ELMO1: variants seen among roughly 807,000 people sequenced by gnomAD.
ELMO1 encodes engulfment and cell motility 1.
In ELMO1, 26 loss-of-function variants were observed where a neutral mutation model predicts 98.9. The observed-to-expected ratio is 0.26, with a 90% CI of 0.19 to 0.36. The LOEUF is 0.36. Ranked by LOEUF, ELMO1 falls within the 10% of genes least tolerant of loss-of-function variation. The pLI, the probability that ELMO1 is intolerant of heterozygous loss-of-function variation, is 1.00. For missense variants in ELMO1, 627 were observed against 935.2 expected (o/e 0.67, Z 4.30); for synonymous variants, 346 against 346.0 (o/e 1.00, Z 0.00).
chr7:37,233,209 G>C lies in ELMO1; in HGVS notation c.450-15C>G, dbSNP rs1462819563. On this transcript the variant is annotated splice_polypyrimidine_tract_variant and intron_variant, in intron 7 of 21. Coordinates refer to ENST00000310758, the MANE Select transcript of ELMO1 (RefSeq NM_014800.11). ...TGTCTCCAAAGCTGAAAAAGACAGA[G>C]AGGCACAAGAGTCAAGAGCCCCAAA... 3 of 1,605,724 alleles carry C rather than the reference G, an allele frequency of 1.9e-6. No individual in the cohort carries two copies. Among genetic ancestry groups the C allele is most frequent in the African/African-American group, 2.7e-5 (2 of 74,346 alleles).
At chr7:36,993,678 C>T (rs972474986) in intron 16 of ELMO1, among the ~76,000 whole-genome samples, 2 of 152,064 alleles carry the variant, frequency 1.3e-5, no homozygotes, top group African/African-American at 4.8e-5. Context: ...CCAGTACTTG[C>T]CTGCAACTTG....
intron 1 of ELMO1, among the ~76,000 whole-genome samples, chr7:37,402,349 G>A (rs948565368): frequency 1.8e-4 from 28 of 152,122 alleles, no homozygotes; most frequent in Non-Finnish European, 3.7e-4. Flanking sequence ...CTAGAGTGAC[G>A]ACAGAACCCA....
chr7:36,989,564 G>A (rs1247257182), intron 16 of ELMO1, among the ~76,000 whole-genome samples: 2 of 152,186 alleles, frequency 1.3e-5, no homozygotes, highest in East Asian at 3.8e-4. Context: ...ATGGAAAAAG[G>A]CAGTTTTTGG....
chr7:37,154,132 A>T (rs1788562320), intron 13 of ELMO1, among the ~76,000 whole-genome samples: 1 of 152,234 alleles, frequency 6.6e-6, no homozygotes, highest in Non-Finnish European at 1.5e-5. Flanking sequence ...ACAAAAAAGG[A>T]CATCCACACC....
chr7:37,058,040 G>T (rs1469084931), intron 15 of ELMO1, among the ~76,000 whole-genome samples: 2 of 152,168 alleles, frequency 1.3e-5, no homozygotes, highest in Non-Finnish European at 2.9e-5. Context: ...AAAAGACAAA[G>T]GGCAACTTTA....
chr7:37,345,987 T>TAA (rs554672695), intron 1 of ELMO1, among the ~76,000 whole-genome samples: 14 of 114,474 alleles, frequency 1.2e-4, no homozygotes, highest in South Asian at 5.5e-4. Context: ...AGACTCCATC[T>TAA]AAAAAAAAAA....
intron 16 of ELMO1, among the ~76,000 whole-genome samples, chr7:36,907,947 A>G (rs1237069719): frequency 6.6e-6 from 1 of 152,234 alleles, no homozygotes; most frequent in Non-Finnish European, 1.5e-5. Context: ...AACACACAGG[A>G]CGGGTCAATA....
At chr7:36,859,188 T>C (rs1423108442) in intron 21 of ELMO1, among the ~76,000 whole-genome samples, 1 of 152,124 alleles carries the variant, frequency 6.6e-6, no homozygotes, top group East Asian at 1.9e-4. Flanking sequence ...ATTTGCATTC[T>C]GACTTGAACA....
intron 1 of ELMO1, among the ~76,000 whole-genome samples, chr7:37,347,376 C>T (rs1478343718): frequency 6.6e-6 from 1 of 152,118 alleles, no homozygotes; most frequent in African/African-American, 2.4e-5. Context: ...GCATACCTGG[C>T]CTCCACCCTC....
At chr7:36,963,404 A>AAAT (rs1562860684) in intron 16 of ELMO1, among the ~76,000 whole-genome samples, 11,668 of 135,236 alleles carry the variant, frequency 0.086, 593 homozygotes, top group African/African-American at 0.11. Context: ...AATAAATAAA[A>AAAT]AAATAAATAA....
At chr7:37,362,195 G>A (rs1801725810) in intron 1 of ELMO1, among the ~76,000 whole-genome samples, 1 of 151,114 alleles carries the variant, frequency 6.6e-6, no homozygotes. Flanking sequence ...TGATTTTATT[G>A]TACCTCAATA....
At chr7:36,954,899 A>T (rs1015063201) in intron 16 of ELMO1, among the ~76,000 whole-genome samples, 4 of 152,204 alleles carry the variant, frequency 2.6e-5, no homozygotes, top group Admixed American at 6.5e-5. Context: ...TGTTTTTACA[A>T]GCGTACCAGG....
rs1431784873 is a variant in ELMO1, at chr7:37,164,503, T to A, written c.1087-31269A>T. Among the ~76,000 whole-genome samples, 13 of 152,344 alleles carry A rather than the reference T, an allele frequency of 8.5e-5. No individual in the cohort carries two copies. In the East Asian group the frequency reaches 2.1e-3, roughly 25 times the overall value. ...ATTTAAATCTTTAATCCATCTTGAA[T>A]TGATTTTTGTACAAGGTGTAAGGAA... On this transcript the variant is annotated intron_variant, in intron 13 of 21. Coordinates refer to ENST00000310758, the MANE Select transcript of ELMO1 (RefSeq NM_014800.11).
chr7:36,884,688 G>A (rs1271534021), intron 18 of ELMO1, among the ~76,000 whole-genome samples: 1 of 152,240 alleles, frequency 6.6e-6, no homozygotes, highest in Non-Finnish European at 1.5e-5. Context: ...CATGAGACAG[G>A]CAGAAGGATC....
intron 13 of ELMO1, among the ~76,000 whole-genome samples, chr7:37,207,404 T>G (rs1468125927): frequency 6.6e-6 from 1 of 150,732 alleles, no homozygotes; most frequent in Non-Finnish European, 1.5e-5. Context: ...TACAAAAAAT[T>G]AGCTGGGTGT....
chr7:36,899,138 G>A (rs903310670), intron 16 of ELMO1, among the ~76,000 whole-genome samples: 1 of 152,180 alleles, frequency 6.6e-6, no homozygotes, highest in East Asian at 1.9e-4. Context: ...AGAAATGAGG[G>A]AGCTGCAAGG....
At chr7:37,280,533 G>T (rs775041853) in intron 4 of ELMO1, among the ~76,000 whole-genome samples, 1 of 151,936 alleles carries the variant, frequency 6.6e-6, no homozygotes. Flanking sequence ...CAAAAAGTGG[G>T]CTAAGAACAT....
intron 15 of ELMO1, among the ~76,000 whole-genome samples, chr7:37,045,759 T>C (rs373628192): frequency 2.0e-5 from 3 of 152,336 alleles, no homozygotes; most frequent in African/African-American, 7.2e-5. Context: ...TCTAGGATTA[T>C]GAAACAGTCT....
chr7:37,086,966 G>T (rs1783823558), intron 15 of ELMO1, among the ~76,000 whole-genome samples: 1 of 152,148 alleles, frequency 6.6e-6, no homozygotes, highest in South Asian at 2.1e-4. Flanking sequence ...TAACCAGGAA[G>T]AAAACATTTT....
Sources: allele counts gnomAD v4.1 joint callset (sites outside exome capture counted in the v4.1 genomes callset), GRCh38; gene constraint gnomAD v4.1.1; transcripts MANE v1.5; gene names NCBI Gene and HGNC (gene_info 2026-07-23, HGNC 2026-07-21).